The following NHEJ1 variants were observed in gnomAD, a reference collection of about 807,000 sequenced individuals.
The protein encoded by NHEJ1 is non-homologous end-joining factor 1.
NHEJ1 carries 22 observed loss-of-function variants against 39.4 expected under a neutral mutation model. That is an observed-to-expected ratio of 0.56 (90% CI 0.40 to 0.80). The LOEUF (loss-of-function observed/expected upper bound fraction) is 0.80, where lower values mean the gene tolerates loss of function less well. Ranked by LOEUF, NHEJ1 falls within the 30% of genes least tolerant of loss-of-function variation. NHEJ1 has a pLI of 0.00. For synonymous variants in NHEJ1, 154 were observed against 135.6 expected, an observed-to-expected ratio of 1.14 and a Z score of -0.94; for missense variants, 329 against 357.1, an observed-to-expected ratio of 0.92 and a Z score of 0.63.
chr2:219,123,903 A>C, intron 5 of NHEJ1, among the ~76,000 whole-genome samples: 1 of 152,242 alleles, frequency 6.6e-6, no homozygotes, highest in Non-Finnish European at 1.5e-5. Context: ...CATATTATGT[A>C]GCTCTAATAA....
chr2:219,081,823 G>A (rs992826278), intron 5 of NHEJ1, among the ~76,000 whole-genome samples: 5 of 152,240 alleles, frequency 3.3e-5, no homozygotes, highest in African/African-American at 9.6e-5. Context: ...ATCAAGACAA[G>A]CCTTGCAAAG....
chr2:219,126,867 C>A (rs764201864), intron 5 of NHEJ1, among the ~76,000 whole-genome samples: 5 of 152,192 alleles, frequency 3.3e-5, no homozygotes, highest in African/African-American at 4.8e-5. Flanking sequence ...CCAGAGGGAA[C>A]GGCATGTGCC....
chr2:219,123,089 A>G (rs1949486383), intron 5 of NHEJ1, among the ~76,000 whole-genome samples: 1 of 152,212 alleles, frequency 6.6e-6, no homozygotes, highest in Non-Finnish European at 1.5e-5. Context: ...TAGGATGTAG[A>G]GGCTAAATCA....
At chr2:219,135,212 G>A (rs995369773) in intron 5 of NHEJ1, among the ~76,000 whole-genome samples, 3 of 152,156 alleles carry the variant, frequency 2.0e-5, no homozygotes, top group African/African-American at 7.2e-5. Context: ...TTCTACTAGG[G>A]GAAAGAGGAG....
chr2:219,135,327 C>A (rs190209214), intron 5 of NHEJ1, among the ~76,000 whole-genome samples: 18 of 152,248 alleles, frequency 1.2e-4, no homozygotes, highest in African/African-American at 4.3e-4. Context: ...GACATCAAGG[C>A]CGGGCACAGT....
chr2:219,103,823 A>T (rs1319594095), intron 5 of NHEJ1, among the ~76,000 whole-genome samples: 1 of 152,190 alleles, frequency 6.6e-6, no homozygotes, highest in African/African-American at 2.4e-5. Context: ...AAGTAGAGCC[A>T]GGTTTCAACT....
At chr2:219,148,573 AAAAC>A (rs1287257729) in intron 3 of NHEJ1, among the ~76,000 whole-genome samples, 1 of 152,218 alleles carries the variant, frequency 6.6e-6, no homozygotes, top group Non-Finnish European at 1.5e-5. Flanking sequence ...CAACAAGAAG[AAAAC>A]AAACAAACAA....
chr2:219,113,659 T>G (rs1020405962), intron 5 of NHEJ1, among the ~76,000 whole-genome samples: 6 of 152,022 alleles, frequency 3.9e-5, no homozygotes, highest in Non-Finnish European at 7.4e-5. Flanking sequence ...CTCATTTTTC[T>G]CCCCCTCCAT....
At chr2:219,115,039 C>T (rs926041961) in intron 5 of NHEJ1, among the ~76,000 whole-genome samples, 12 of 152,064 alleles carry the variant, frequency 7.9e-5, no homozygotes, top group Admixed American at 4.6e-4. Flanking sequence ...GGGCCTCCGA[C>T]GTGTTCAATG....
intron 5 of NHEJ1, among the ~76,000 whole-genome samples, chr2:219,119,670 T>C (rs1308625857): frequency 2.0e-5 from 3 of 152,198 alleles, no homozygotes; most frequent in Non-Finnish European, 4.4e-5. Context: ...AACAGATCTT[T>C]GAATTGAGTG....
chr2:219,140,998 C>T (rs905285822), intron 5 of NHEJ1, among the ~76,000 whole-genome samples: 2 of 152,152 alleles, frequency 1.3e-5, no homozygotes, highest in African/African-American at 4.8e-5. Context: ...TCAAAGACAT[C>T]ACTCTGACAA....
chr2:219,150,083 G>A (rs746754882), intron 3 of NHEJ1, among the ~76,000 whole-genome samples: 20 of 152,340 alleles, frequency 1.3e-4, no homozygotes, highest in African/African-American at 3.4e-4. Flanking sequence ...CAGATTAGAC[G>A]TCTGGACTCT....
At chr2:219,141,312 A>C (rs541634260) in intron 5 of NHEJ1, among the ~76,000 whole-genome samples, 202 of 151,404 alleles carry the variant, frequency 1.3e-3, no homozygotes, top group Non-Finnish European at 2.5e-3. Context: ...CCCAGGAGGC[A>C]GAGGTTACAG....
chr2:219,132,702 T>C (rs992716387), intron 5 of NHEJ1, among the ~76,000 whole-genome samples: 5 of 152,160 alleles, frequency 3.3e-5, no homozygotes, highest in African/African-American at 1.2e-4. Context: ...CCACTCTCCA[T>C]ACAATATTCC....
At chr2:219,113,449 T>C (rs757753105) in intron 5 of NHEJ1, among the ~76,000 whole-genome samples, 8 of 152,110 alleles carry the variant, frequency 5.3e-5, no homozygotes, top group Non-Finnish European at 7.4e-5. Flanking sequence ...TCAATATATA[T>C]ATGTATTTTT....
At chr2:219,092,145 G>T (rs1027796338) in intron 5 of NHEJ1, among the ~76,000 whole-genome samples, 3 of 152,062 alleles carry the variant, frequency 2.0e-5, no homozygotes, top group Admixed American at 6.6e-5. Flanking sequence ...TGAAAACTTA[G>T]CCAGGTGTAG....
Position 219,155,031 on chromosome 2 carries a change from T to A in NHEJ1, c.390+2441A>T, listed in dbSNP as rs545457196. On this transcript the variant is annotated intron_variant, in intron 3 of 7. Transcript: ENST00000356853. ...ATACTATATAATTGTAATATCATTA[T>A]ATTAGTGTTCCTTACTGTATTCTTT... 8.7e-5 allele frequency among the ~76,000 whole-genome samples: 13 copies of A among 150,254 alleles called. 1 individual carries two copies. Among genetic ancestry groups the A allele is most frequent in the African/African-American group, 2.7e-4 (11 of 41,152 alleles).
intron 5 of NHEJ1, among the ~76,000 whole-genome samples, chr2:219,093,936 C>T (rs1396426937): frequency 6.6e-6 from 1 of 152,208 alleles, no homozygotes; most frequent in Non-Finnish European, 1.5e-5. Context: ...CCTGGTCCCA[C>T]TAGACTCCAA....
rs1381253316 is a variant in NHEJ1 at position 219,074,323 on chromosome 2, C to T, written c.*2058G>A. Among the ~76,000 whole-genome samples, 1 of 152,196 alleles carries T rather than the reference C, an allele frequency of 6.6e-6. No homozygotes were observed. The highest frequency in any genetic ancestry group is 1.5e-5 in the Non-Finnish European group (1 of 68,036). On this transcript the variant is annotated 3_prime_UTR_variant, in exon 8 of 8. Transcript: ENST00000356853. ...TGATGAAAAATGTCTTGAGTCTGTG[C>T]TGTTACAGTACAGGGAATGCCCAGG...
Sources: gnomAD v4.1 joint callset for allele counts (sites outside exome capture counted in the v4.1 genomes callset) on GRCh38, gnomAD v4.1.1 for gene constraint, MANE v1.5 for transcripts, NCBI Gene and HGNC (gene_info 2026-07-23, HGNC 2026-07-21) for gene names.